Variants in PID1 observed in about 807,000 individuals in gnomAD.
The protein encoded by PID1 is PTB-containing, cubilin and LRP1-interacting protein.
A neutral mutation model predicts 19.1 loss-of-function variants in PID1; 10 were observed. That is an observed-to-expected ratio of 0.52 (90% confidence interval 0.32 to 0.89). PID1 has a LOEUF of 0.89. Among genes scored for constraint, PID1 ranks in the 40% least tolerant of loss-of-function variants. The pLI, the probability that PID1 is intolerant of heterozygous loss-of-function variation, is 0.03. For synonymous variants in PID1, 130 were observed against 116.0 expected (o/e 1.12, Z -0.78); for missense variants, 248 against 285.3 (o/e 0.87, Z 0.94).
chr2:229,145,187 AT>A (rs1331415572), intron 2 of PID1, among the ~76,000 whole-genome samples: 2 of 146,228 alleles, frequency 1.4e-5, no homozygotes, highest in African/African-American at 2.5e-5. Context: ...ATATATATAT[AT>A]AAACTCGAGA....
At chr2:229,116,065 T>C (rs1267195280) in intron 2 of PID1, among the ~76,000 whole-genome samples, 1 of 151,154 alleles carries the variant, frequency 6.6e-6, no homozygotes, top group Non-Finnish European at 1.5e-5. Flanking sequence ...CTACTAAAAA[T>C]ACAAAAAAAA....
chr2:229,033,185 G>A (rs998066441), intron 2 of PID1, among the ~76,000 whole-genome samples: 1 of 152,156 alleles, frequency 6.6e-6, no homozygotes. Flanking sequence ...ACTGGAGAGT[G>A]GGATCAAAAG....
chr2:229,155,279 TC>T (rs1226593421), intron 2 of PID1, among the ~76,000 whole-genome samples: 34 of 152,076 alleles, frequency 2.2e-4, no homozygotes, highest in African/African-American at 8.0e-4. Context: ...AAAACCTAGG[TC>T]TTTAGGCCGG....
At chr2:229,116,741 T>C (rs12464964) in intron 2 of PID1, among the ~76,000 whole-genome samples, 84,517 of 152,014 alleles carry the variant, frequency 0.56, 24,510 homozygotes, top group Admixed American at 0.64. Context: ...CCTTTATAAA[T>C]TACCCAGTCT....
intron 1 of PID1, among the ~76,000 whole-genome samples, chr2:229,260,576 T>C (rs1219411029): frequency 2.0e-5 from 3 of 151,532 alleles, no homozygotes; most frequent in African/African-American, 7.3e-5. Flanking sequence ...TTTACACATA[T>C]GTATACACTT....
chr2:229,216,266 G>A (rs1559289126), intron 1 of PID1, among the ~76,000 whole-genome samples: 1 of 152,176 alleles, frequency 6.6e-6, no homozygotes, highest in South Asian at 2.1e-4. Context: ...CCGGGGGCAC[G>A]TGCATCTACA....
intron 2 of PID1, among the ~76,000 whole-genome samples, chr2:229,079,202 CT>C (rs1694622998): frequency 6.6e-6 from 1 of 152,170 alleles, no homozygotes; most frequent in African/African-American, 2.4e-5. Flanking sequence ...TAAGTCGGGG[CT>C]GAGAAGACTG....
chr2:229,103,363 G>A (rs939898889), intron 2 of PID1, among the ~76,000 whole-genome samples: 8 of 152,130 alleles, frequency 5.3e-5, no homozygotes, highest in African/African-American at 1.9e-4. Context: ...AGGATCCAGG[G>A]GAGGAAGACA....
At chr2:229,176,423 C>G (rs534354302) in intron 1 of PID1, among the ~76,000 whole-genome samples, 1 of 152,326 alleles carries the variant, frequency 6.6e-6, no homozygotes, top group Non-Finnish European at 1.5e-5. Flanking sequence ...ATAGCCTGTG[C>G]TGTACATTGT....
intron 2 of PID1, among the ~76,000 whole-genome samples, chr2:229,082,985 G>T (rs116627228): frequency 6.6e-6 from 1 of 151,854 alleles, no homozygotes; most frequent in African/African-American, 2.4e-5. Flanking sequence ...ATAAATTGAC[G>T]GACATAAAGG....
At chr2:229,194,981 G>A (rs556273820) in intron 1 of PID1, among the ~76,000 whole-genome samples, 10 of 151,652 alleles carry the variant, frequency 6.6e-5, no homozygotes, top group Non-Finnish European at 1.0e-4. Flanking sequence ...ATATCTTTGC[G>A]GATTTTTTCT....
chr2:229,229,068 CCAAT>C (rs1177275175), intron 1 of PID1, among the ~76,000 whole-genome samples: 4 of 152,152 alleles, frequency 2.6e-5, no homozygotes, highest in Non-Finnish European at 4.4e-5. Flanking sequence ...CAACCCAGTC[CCAAT>C]GTCATCTAGG....
intron 2 of PID1, among the ~76,000 whole-genome samples, chr2:229,139,043 A>AAGAAAGAAAGAAAG (rs1689932623): frequency 4.7e-5 from 3 of 63,562 alleles, no homozygotes; most frequent in East Asian, 3.9e-4. Context: ...AAGAAAGAGA[A>AAGAAAGAAAGAAAG]AGAAAGAAAG....
At position 229,263,528 on chromosome 2, in the gene PID1, T is replaced by C. The variant is rs114909505; in HGVS notation, c.30+7486A>G. Among the ~76,000 whole-genome samples the C allele has an allele frequency of 4.6e-3, 706 of 152,294 alleles. 2 individuals are homozygous for C. The highest frequency in any genetic ancestry group is 0.016 in the African/African-American group (682 of 41,542). ...TTGGACCAGTATGAGATTATTATCA[T>C]GGCTGGGCTAGAACACCCACCCTCA... On this transcript the variant is annotated intron_variant, in intron 1 of 2. Coordinates refer to ENST00000392055, the MANE Select transcript of PID1 (RefSeq NM_001100818.2).
intron 2 of PID1, among the ~76,000 whole-genome samples, chr2:229,075,986 T>G (rs905379850): frequency 6.6e-6 from 1 of 152,172 alleles, no homozygotes; most frequent in Non-Finnish European, 1.5e-5. Flanking sequence ...CCTGATTCAC[T>G]TCCAGAAGCA....
chr2:229,031,139 C>T (rs1365040960), intron 2 of PID1, among the ~76,000 whole-genome samples: 1 of 135,876 alleles, frequency 7.4e-6, no homozygotes, highest in Non-Finnish European at 1.5e-5. Flanking sequence ...TCGCTTGAAC[C>T]TGGGAGGCAG....
At chr2:229,137,248 G>A (rs755840590) in intron 2 of PID1, among the ~76,000 whole-genome samples, 8 of 152,308 alleles carry the variant, frequency 5.3e-5, no homozygotes, top group Admixed American at 1.3e-4. Flanking sequence ...GAACAAAAGA[G>A]CAGAGAGAAT....
intron 2 of PID1, among the ~76,000 whole-genome samples, chr2:229,080,752 T>A (rs1405491833): frequency 6.6e-6 from 1 of 152,146 alleles, no homozygotes; most frequent in African/African-American, 2.4e-5. Flanking sequence ...GTTGCCCAAA[T>A]CAAAATGCAG....
chr2:229,120,758 T>A (rs1371859349), intron 2 of PID1, among the ~76,000 whole-genome samples: 2 of 151,960 alleles, frequency 1.3e-5, no homozygotes, highest in Non-Finnish European at 2.9e-5. Context: ...GTGGGCCTAG[T>A]GGGAGATGTT....
Sources: gnomAD v4.1 joint callset for allele counts (sites outside exome capture counted in the v4.1 genomes callset) on GRCh38, gnomAD v4.1.1 for gene constraint, MANE v1.5 for transcripts, NCBI Gene and HGNC (gene_info 2026-07-23, HGNC 2026-07-21) for gene names.